SOX6: variants seen among roughly 807,000 people sequenced by gnomAD.
SOX6 encodes the protein SRY-box transcription factor 6, also known as transcription factor SOX-6.
Under a neutral mutation model 97.8 loss-of-function variants are expected in SOX6, and 11 were observed. The observed-to-expected ratio is 0.11, with a 90% confidence interval of 0.07 to 0.19. The LOEUF (loss-of-function observed/expected upper bound fraction) is 0.19, where lower values mean the gene tolerates loss of function less well. Among genes scored for constraint, SOX6 ranks in the 10% least tolerant of loss-of-function variants. SOX6 has a pLI of 1.00. For synonymous variants in SOX6, 360 were observed against 371.4 expected, an observed-to-expected ratio of 0.97 and a Z score of 0.35; for missense variants, 810 against 1,039.5, an observed-to-expected ratio of 0.78 and a Z score of 3.04.
intron 4 of SOX6, among the ~76,000 whole-genome samples, chr11:16,584,691 C>A (rs1041127862): frequency 6.6e-6 from 1 of 152,182 alleles, no homozygotes; most frequent in African/African-American, 2.4e-5. Flanking sequence ...TAATTCCTGG[C>A]CATGCTGGGC....
At chr11:16,034,425 A>G (rs1855463739) in intron 12 of SOX6, among the ~76,000 whole-genome samples, 1 of 152,210 alleles carries the variant, frequency 6.6e-6, no homozygotes, top group African/African-American at 2.4e-5. Flanking sequence ...GGGAAATTCT[A>G]ATCTTAGTTG....
chr11:16,705,985 A>T (rs938276787), intron 3 of SOX6, among the ~76,000 whole-genome samples: 3 of 152,170 alleles, frequency 2.0e-5, no homozygotes, highest in African/African-American at 7.2e-5. Flanking sequence ...CTTCCTAATC[A>T]GTAATTACAC....
chr11:16,356,853 A>T (rs1208785579), upstream of SOX6, among the ~76,000 whole-genome samples: 2 of 152,114 alleles, frequency 1.3e-5, no homozygotes, highest in East Asian at 1.9e-4. Context: ...AGTCCCCATT[A>T]AAAAAGCCTG....
At chr11:16,073,468 G>A (rs1409594177) in intron 9 of SOX6, among the ~76,000 whole-genome samples, 1 of 152,098 alleles carries the variant, frequency 6.6e-6, no homozygotes, top group East Asian at 1.9e-4. Context: ...AGAGACCTAT[G>A]AAGAGAGTTA....
At chr11:16,510,081 T>A (rs147620214) in intron 4 of SOX6, among the ~76,000 whole-genome samples, 3 of 152,144 alleles carry the variant, frequency 2.0e-5, no homozygotes, top group African/African-American at 7.2e-5. Context: ...GATTTACCAA[T>A]CTAATGTCAT....
At chr11:16,048,981 T>C (rs1340429242) in intron 11 of SOX6, among the ~76,000 whole-genome samples, 1 of 152,198 alleles carries the variant, frequency 6.6e-6, no homozygotes, top group Non-Finnish European at 1.5e-5. Flanking sequence ...TCATTCATTC[T>C]AGTCATTTTA....
upstream of SOX6, among the ~76,000 whole-genome samples, chr11:16,356,850 A>G (rs1305691239): frequency 6.6e-6 from 1 of 152,152 alleles, no homozygotes; most frequent in Non-Finnish European, 1.5e-5. Flanking sequence ...CACAGTCCCC[A>G]TTAAAAAAGC....
intron 3 of SOX6, among the ~76,000 whole-genome samples, chr11:16,647,660 T>G (rs577877216): frequency 6.6e-6 from 1 of 152,152 alleles, no homozygotes; most frequent in South Asian, 2.1e-4. Flanking sequence ...GTAAGTTCCA[T>G]GAAACAGGTG....
chr11:16,014,146 T>A (rs970311077), intron 13 of SOX6, among the ~76,000 whole-genome samples: 2 of 152,012 alleles, frequency 1.3e-5, no homozygotes, highest in African/African-American at 4.8e-5. Context: ...CAGGCAACAT[T>A]ACTACTGAAG....
chr11:16,273,190 C>T (rs998052839), intron 3 of SOX6, among the ~76,000 whole-genome samples: 2 of 151,592 alleles, frequency 1.3e-5, no homozygotes, highest in African/African-American at 4.8e-5. Flanking sequence ...TGTAATAAAC[C>T]TCAAAAACTA....
chr11:16,685,465 G>A (rs1400163769), intron 3 of SOX6, among the ~76,000 whole-genome samples: 2 of 152,380 alleles, frequency 1.3e-5, no homozygotes, highest in African/African-American at 4.8e-5. Context: ...ATGGGTTACA[G>A]GCCCCATGAA....
intron 12 of SOX6, among the ~76,000 whole-genome samples, chr11:16,015,953 A>G (rs1022944090): frequency 6.6e-6 from 1 of 152,068 alleles, no homozygotes; most frequent in Admixed American, 6.6e-5. Flanking sequence ...GAATTTACAG[A>G]CATGAAATAG....
chr11:16,717,913 C>T (rs1283678538), intron 2 of SOX6, among the ~76,000 whole-genome samples: 1 of 148,336 alleles, frequency 6.7e-6, no homozygotes, highest in African/African-American at 2.5e-5. Context: ...GTAAAATAAG[C>T]TATGGCAACA....
At chr11:16,348,471 T>G (rs986063650) in intron 1 of SOX6, among the ~76,000 whole-genome samples, 5 of 152,090 alleles carry the variant, frequency 3.3e-5, no homozygotes, top group Non-Finnish European at 5.9e-5. Context: ...AAAAAAGGAG[T>G]GCATTTTAAT....
chr11:16,248,784 C>T (rs1853416943), intron 3 of SOX6, among the ~76,000 whole-genome samples: 1 of 152,140 alleles, frequency 6.6e-6, no homozygotes, highest in Non-Finnish European at 1.5e-5. Context: ...GAGACATTTT[C>T]CCCATTGTCT....
chr11:16,091,800 T>C (rs1365199893), intron 9 of SOX6, among the ~76,000 whole-genome samples: 1 of 151,988 alleles, frequency 6.6e-6, no homozygotes, highest in Non-Finnish European at 1.5e-5. Context: ...ACAGTGAAAA[T>C]TGCATTTATA....
At chr11:16,191,957 T>C (rs1851644622) in intron 4 of SOX6, among the ~76,000 whole-genome samples, 1 of 151,812 alleles carries the variant, frequency 6.6e-6, no homozygotes, top group Admixed American at 6.6e-5. Flanking sequence ...GGATCAGTGC[T>C]CCCCAGGGCC....
chr11:16,114,327 CT>C (rs1849297518), intron 6 of SOX6, among the ~76,000 whole-genome samples: 1 of 152,104 alleles, frequency 6.6e-6, no homozygotes, highest in Non-Finnish European at 1.5e-5. Context: ...ACTGTGTAAT[CT>C]TGAACAGTTA....
chr11:16,581,319 G>T (rs1206662694), intron 4 of SOX6, among the ~76,000 whole-genome samples: 1 of 152,056 alleles, frequency 6.6e-6, no homozygotes, highest in Non-Finnish European at 1.5e-5. Flanking sequence ...GAAGCAGGAA[G>T]CCATCATCCT....
Sources: allele counts gnomAD v4.1 joint callset (sites outside exome capture counted in the v4.1 genomes callset), GRCh38; gene constraint gnomAD v4.1.1; transcripts MANE v1.5; gene names NCBI Gene and HGNC (gene_info 2026-07-23, HGNC 2026-07-21).